IFT88: variants seen among roughly 807,000 people sequenced by gnomAD.
IFT88 encodes the protein intraflagellar transport 88.
A neutral mutation model predicts 119.5 loss-of-function variants in IFT88; 74 were observed. That is an observed-to-expected ratio of 0.62 (90% CI 0.51 to 0.75). The LOEUF (loss-of-function observed/expected upper bound fraction) is 0.75, where lower values mean the gene tolerates loss of function less well. Ranked by LOEUF, IFT88 falls within the 30% of genes least tolerant of loss-of-function variation. The pLI, the probability that IFT88 is intolerant of heterozygous loss-of-function variation, is 0.00. For missense variants in IFT88, 961 were observed against 977.7 expected, an observed-to-expected ratio of 0.98 and a Z score of 0.23; for synonymous variants, 279 against 316.7, an observed-to-expected ratio of 0.88 and a Z score of 1.26.
Position 20,598,702 on chromosome 13 carries a change from G to A in IFT88, c.646G>A (p.Ala216Thr), listed in dbSNP as rs765350470. The A allele has an allele frequency of 4.3e-6, 7 of 1,611,128 alleles. No individual in the cohort carries two copies. In the South Asian group the frequency reaches 5.5e-5, roughly 13 times the overall value. The change falls in exon 10 of 26, where the codon GCA (alanine) becomes ACA (threonine). Residue 216 changes from alanine (A) to threonine (T), a missense_variant. Transcript: ENST00000351808. ...TTCAGTTAATGAAATGTATGCCGAA[G>A]CACTTAACACTTATCAAGTTATAGT... Reference protein sequence around the residue: ...QYSVNEMYAEALNTYQVIVKN... With the variant: ...QYSVNEMYAETLNTYQVIVKN...
Position 20,690,824 on chromosome 13 carries a change from T to G in IFT88, c.2353+9T>G. On this transcript the variant is annotated intron_variant, in intron 25 of 25. Transcript: ENST00000351808. ...CAGTAACAAAGAAATAGGCAAGTAC[T>G]CTCCACCCAGTTCCTCCAGGCATAG... 6.3e-7 allele frequency: 1 copy of G among 1,581,788 alleles called. No homozygotes were observed. Among genetic ancestry groups the G allele is most frequent in the Non-Finnish European group, 8.7e-7 (1 of 1,150,612 alleles).
At chr13:20,657,045 G>C (rs928793164) in intron 22 of IFT88, among the ~76,000 whole-genome samples, 3 of 152,150 alleles carry the variant, frequency 2.0e-5, no homozygotes, top group African/African-American at 7.2e-5. Context: ...TTTTAGTAGA[G>C]ACGGGTTTTA....
At position 20,590,919 on chromosome 13, in the gene IFT88, G is replaced by A. The variant is rs759222046; in HGVS notation, c.211-48G>A. ...TCTATAACTTGGTTTAAACATTTAA[G>A]GCAGATATTTTTAGGAATCTTTTTA... is the stretch of plus-strand genomic sequence containing the variant. On this transcript the variant is annotated intron_variant, in intron 4 of 25. Coordinates refer to ENST00000351808, the MANE Select transcript of IFT88 (RefSeq NM_006531.5). 5.3e-6 allele frequency: 7 copies of A among 1,329,938 alleles called. No individual in the cohort carries two copies. In the African/African-American group the frequency reaches 1.0e-4, roughly 20 times the overall value. The allele number at this position is 1,329,938 out of a possible 1,614,324, so 82.4% of individuals were successfully genotyped here.
chr13:20,664,818 G>C (rs1442119755), intron 23 of IFT88, among the ~76,000 whole-genome samples: 1 of 152,120 alleles, frequency 6.6e-6, no homozygotes, highest in Admixed American at 6.6e-5. Flanking sequence ...GGTGGCTCAC[G>C]CCTATAATCC....
At chr13:20,598,566 T>C (rs746163663) in intron 9 of IFT88, 85 bp from the exon 10 acceptor site, 4 of 715,350 alleles carry the variant, frequency 5.6e-6, no homozygotes, top group South Asian at 1.9e-5. Context: ...AACTTTGTTA[T>C]AGGATTTTAA....
At chr13:20,643,382 G>A (rs1489595916) in intron 18 of IFT88, 73 bp from the exon 19 acceptor site, 3 of 1,145,702 alleles carry the variant, frequency 2.6e-6, no homozygotes, top group Non-Finnish European at 3.8e-6. Flanking sequence ...TATTGTTACT[G>A]TAATGTTTTT....
intron 6 of IFT88, among the ~76,000 whole-genome samples, 169 bp from the exon 7 acceptor site, chr13:20,592,166 A>G (rs1035127830): frequency 3.9e-5 from 6 of 152,224 alleles, no homozygotes; most frequent in Non-Finnish European, 7.3e-5. Flanking sequence ...ATTTCCCAGT[A>G]TATGAAATGT....
At chr13:20,658,204 C>A (rs1487946819) in intron 22 of IFT88, among the ~76,000 whole-genome samples, 2 of 151,762 alleles carry the variant, frequency 1.3e-5, no homozygotes, top group Non-Finnish European at 2.9e-5. Flanking sequence ...TGAAGAGATT[C>A]TCCTGCTTCA....
At chr13:20,619,765 G>A (rs771636878) in intron 14 of IFT88, among the ~76,000 whole-genome samples, 16 of 151,894 alleles carry the variant, frequency 1.1e-4, no homozygotes, top group Non-Finnish European at 2.4e-4. Flanking sequence ...TGATCCTATG[G>A]TGTGTATATG....
intron 3 of IFT88, among the ~76,000 whole-genome samples, chr13:20,587,792 A>C (rs1254319957): frequency 6.6e-6 from 1 of 152,122 alleles, no homozygotes; most frequent in Non-Finnish European, 1.5e-5. Context: ...CTCTTTGTCT[A>C]GCATTTTTAT....
intron 13 of IFT88, among the ~76,000 whole-genome samples, chr13:20,611,224 A>G (rs953842406): frequency 1.6e-4 from 24 of 152,144 alleles, no homozygotes; most frequent in African/African-American, 5.5e-4. Flanking sequence ...GATTAAAAAC[A>G]AAAAGTCCAA....
At chr13:20,572,915 A>G (rs1253307559) in intron 1 of IFT88, among the ~76,000 whole-genome samples, 2 of 152,098 alleles carry the variant, frequency 1.3e-5, no homozygotes, top group African/African-American at 4.8e-5. Flanking sequence ...CACTCAGCAT[A>G]ATTGGGATTC....
At chr13:20,649,059 T>A (rs767674555) in intron 20 of IFT88, among the ~76,000 whole-genome samples, 1 of 152,198 alleles carries the variant, frequency 6.6e-6, no homozygotes, top group Non-Finnish European at 1.5e-5. Flanking sequence ...ATAGACCTCA[T>A]ATTAGTTTGA....
intron 23 of IFT88, among the ~76,000 whole-genome samples, chr13:20,665,214 T>G (rs187087309): frequency 4.8e-4 from 73 of 152,342 alleles, no homozygotes; most frequent in African/African-American, 1.6e-3. Context: ...TTTGCCAGTT[T>G]TCCCCCAAAG....
chr13:20,624,939 A>G (rs1411000146), intron 14 of IFT88, among the ~76,000 whole-genome samples: 1 of 152,208 alleles, frequency 6.6e-6, no homozygotes, highest in Non-Finnish European at 1.5e-5. Flanking sequence ...TTTTAAGTAT[A>G]TAATATATTA....
At chr13:20,663,996 G>A (rs1321527229) in intron 23 of IFT88, among the ~76,000 whole-genome samples, 1 of 152,124 alleles carries the variant, frequency 6.6e-6, no homozygotes, top group Non-Finnish European at 1.5e-5. Flanking sequence ...TTTTCTAGGT[G>A]ATTTTTATTG....
At chr13:20,650,601 G>A (rs1324380738) in intron 20 of IFT88, among the ~76,000 whole-genome samples, 2 of 152,176 alleles carry the variant, frequency 1.3e-5, no homozygotes, top group Non-Finnish European at 2.9e-5. Context: ...GGTACTGGAA[G>A]TTCTAGCCAG....
intron 24 of IFT88, among the ~76,000 whole-genome samples, chr13:20,673,360 A>C (rs12584967): frequency 6.6e-6 from 1 of 152,180 alleles, no homozygotes; most frequent in Non-Finnish European, 1.5e-5. Context: ...AGAACACCCG[A>C]AAAACTGCTG....
chr13:20,577,983 G>A (rs118082620), intron 2 of IFT88, among the ~76,000 whole-genome samples: 51 of 150,694 alleles, frequency 3.4e-4, no homozygotes, highest in African/African-American at 8.8e-4. Context: ...ATCAGGTGCC[G>A]AGCTTTTCTT....
Sources: allele counts gnomAD v4.1 joint callset (sites outside exome capture counted in the v4.1 genomes callset), GRCh38; gene constraint gnomAD v4.1.1; transcripts MANE v1.5; gene names NCBI Gene and HGNC (gene_info 2026-07-23, HGNC 2026-07-21).